USP31: variants seen among roughly 807,000 people sequenced by gnomAD.
USP31 encodes ubiquitin specific peptidase 31.
A neutral mutation model predicts 119.4 loss-of-function variants in USP31; 44 were observed. The ratio of observed to expected loss-of-function variants is 0.37; its 90% CI spans 0.29 to 0.47. USP31 has a LOEUF of 0.47. Ranked by LOEUF, USP31 falls within the 20% of genes least tolerant of loss-of-function variation. USP31 has a pLI of 0.99. For missense variants in USP31, 1,643 were observed against 1,730.2 expected, an observed-to-expected ratio of 0.95 and a Z score of 0.89; for synonymous variants, 749 against 705.6, an observed-to-expected ratio of 1.06 and a Z score of -0.97.
chr16:23,136,607 T>C (rs1297851957), intron 1 of USP31, among the ~76,000 whole-genome samples: 1 of 149,442 alleles, frequency 6.7e-6, no homozygotes, highest in Non-Finnish European at 1.5e-5. Flanking sequence ...TGAGCTAAGA[T>C]CGTGCCACTG....
intron 1 of USP31, among the ~76,000 whole-genome samples, chr16:23,144,532 C>T (rs969254148): frequency 1.3e-5 from 2 of 151,728 alleles, no homozygotes; most frequent in Non-Finnish European, 2.9e-5. Context: ...CAGGCTGGAG[C>T]GCAGTGACAT....
At chr16:23,143,879 G>A (rs958507891) in intron 1 of USP31, among the ~76,000 whole-genome samples, 1 of 152,142 alleles carries the variant, frequency 6.6e-6, no homozygotes, top group South Asian at 2.1e-4. Context: ...TGTCCCAGGG[G>A]GTGGGGGCAG....
intron 1 of USP31, among the ~76,000 whole-genome samples, chr16:23,136,584 C>G (rs1903196836): frequency 6.6e-6 from 1 of 151,544 alleles, no homozygotes. Flanking sequence ...AGCCCAGGAG[C>G]CGGAGGCTGC....
At chr16:23,104,238 A>G (rs1902001253) in intron 5 of USP31, among the ~76,000 whole-genome samples, 1 of 152,222 alleles carries the variant, frequency 6.6e-6, no homozygotes, top group Non-Finnish European at 1.5e-5. Flanking sequence ...ATAGTCCAGC[A>G]AAAATGTTCC....
intron 12 of USP31, 89 bp downstream of exon 12, chr16:23,082,349 T>C: frequency 1.9e-6 from 3 of 1,540,924 alleles, no homozygotes; most frequent in Non-Finnish European, 2.7e-6. Context: ...CAAACAGGTA[T>C]ACCAAAGAAC....
At chr16:23,095,676 A>G (rs928704910) in intron 6 of USP31, among the ~76,000 whole-genome samples, 3 of 152,252 alleles carry the variant, frequency 2.0e-5, no homozygotes, top group Non-Finnish European at 4.4e-5. Flanking sequence ...AAGCCAGAAG[A>G]GAATGGGGCC....
intron 1 of USP31, chr16:23,115,853 G>C (rs1367690993): frequency 2.3e-6 from 2 of 857,154 alleles, no homozygotes; most frequent in African/African-American, 3.7e-5. Context: ...AAAAAGAGTT[G>C]GAAACATGGG....
intron 6 of USP31, among the ~76,000 whole-genome samples, chr16:23,101,970 T>TAAAAAAAAAAAAAAAAAAAAAAAAAAAAA (rs34773118): frequency 1.2e-5 from 1 of 85,526 alleles, no homozygotes; most frequent in African/African-American, 4.6e-5. Flanking sequence ...TAGCAAAATT[T>TAAAAAAAAAAAAAAAAAAAAAAAAAAAAA]AAAAAAAAAA....
Position 23,069,305 on chromosome 16 carries a change from G to A in USP31, c.2800C>T (p.His934Tyr), listed in dbSNP as rs778189997. 6.2e-7 allele frequency: 1 copy of A among 1,608,482 alleles called. No homozygotes were observed. The highest frequency in any genetic ancestry group is 8.5e-7 in the Non-Finnish European group (1 of 1,177,152). Residue 934 changes from histidine to tyrosine, a missense_variant, in exon 16 of 16, where the codon CAC becomes TAC. Coordinates refer to ENST00000219689, the MANE Select transcript of USP31 (RefSeq NM_020718.4). ...AGAGGGGCCCGGCCCACAGCCTTGT[G>A]CTCACGGCGACTATGACTGTCGCTT... is the stretch of plus-strand genomic sequence containing the variant. ...EPSDSHSRRE[H>Y]KAVGRAPLAV... is the part of the protein sequence containing the mutation.
intron 6 of USP31, 24 bp from the exon 7 acceptor site, chr16:23,090,828 AT>A: frequency 6.8e-7 from 1 of 1,476,218 alleles, no homozygotes; most frequent in African/African-American, 1.4e-5. Flanking sequence ...AAAACAACTC[AT>A]TTTATCTCTT....
At chr16:23,093,570 T>G (rs1162758894) in intron 6 of USP31, among the ~76,000 whole-genome samples, 1 of 152,216 alleles carries the variant, frequency 6.6e-6, no homozygotes, top group Non-Finnish European at 1.5e-5. Flanking sequence ...AACTCTCATC[T>G]ATTGCTGGTG....
rs759750927 is a variant in USP31 at position 23,082,488 on chromosome 16, G to A, written c.1900C>T (p.Leu634Phe). The change falls in exon 12 of 16, where the codon CTC (leucine) becomes TTC (phenylalanine). Residue 634 changes from leucine (L) to phenylalanine (F), a missense_variant. By Grantham distance (22) the Leu-to-Phe change is conservative (BLOSUM62 0). Coordinates refer to ENST00000219689, the MANE Select transcript of USP31 (RefSeq NM_020718.4). ...ATAAGCACATCAGGCAGAGTCCAGAGGCTTAACGTAATGCTTCCCTGCTGC... is the reference window on the plus strand; with the variant it reads ...ATAAGCACATCAGGCAGAGTCCAGAAGCTTAACGTAATGCTTCCCTGCTGC... ...QLQQGSITLS[L>F]WTLPDVLIIH... The A allele has an allele frequency of 3.1e-6, 5 of 1,614,084 alleles. No homozygotes were observed. Among genetic ancestry groups the A allele is most frequent in the East Asian group, 2.2e-5 (1 of 44,890 alleles).
At chr16:23,105,057 G>A (rs552250296) in intron 5 of USP31, among the ~76,000 whole-genome samples, 2 of 152,288 alleles carry the variant, frequency 1.3e-5, no homozygotes, top group Non-Finnish European at 2.9e-5. Context: ...ACAATGGGAA[G>A]GGGTTTTCTA....
chr16:23,080,968 T>C (rs1205215396), intron 12 of USP31, among the ~76,000 whole-genome samples: 1 of 152,166 alleles, frequency 6.6e-6, no homozygotes, highest in African/African-American at 2.4e-5. Context: ...TCAAGAACTG[T>C]GTAAGCAGTG....
chr16:23,109,397 A>G (rs1210914842), intron 1 of USP31, among the ~76,000 whole-genome samples: 1 of 152,244 alleles, frequency 6.6e-6, no homozygotes, highest in Non-Finnish European at 1.5e-5. Flanking sequence ...TCTGATCAAC[A>G]GAATAAACAA....
At chr16:23,135,633 GA>G (rs1903165466) in intron 1 of USP31, among the ~76,000 whole-genome samples, 1 of 151,768 alleles carries the variant, frequency 6.6e-6, no homozygotes, top group Admixed American at 6.6e-5. Flanking sequence ...ACCAAGGAAG[GA>G]AAAAAACAGT....
At chr16:23,093,145 C>T (rs573281323) in intron 6 of USP31, among the ~76,000 whole-genome samples, 6 of 151,932 alleles carry the variant, frequency 3.9e-5, no homozygotes, top group South Asian at 2.1e-4. Flanking sequence ...TTAGATATGA[C>T]GACAAAATTA....
intron 1 of USP31, among the ~76,000 whole-genome samples, chr16:23,121,938 A>G (rs899773566): frequency 6.6e-6 from 1 of 152,226 alleles, no homozygotes; most frequent in African/African-American, 2.4e-5. Flanking sequence ...GAAGCCATCT[A>G]CATGTCCAAA....
At chr16:23,079,743 C>A in intron 13 of USP31, 1 of 508,848 alleles carries the variant, frequency 2.0e-6, no homozygotes, top group Non-Finnish European at 3.4e-6. Context: ...CAGCTACCTA[C>A]TGGACGACCC....
Sources: allele counts gnomAD v4.1 joint callset (sites outside exome capture counted in the v4.1 genomes callset), GRCh38; gene constraint gnomAD v4.1.1; transcripts MANE v1.5; gene names NCBI Gene and HGNC (gene_info 2026-07-23, HGNC 2026-07-21).